Variants in COLEC10 observed in about 807,000 individuals in gnomAD.
COLEC10 encodes the protein collectin subfamily member 10.
Under a neutral mutation model 28.4 loss-of-function variants are expected in COLEC10, and 22 were observed. The ratio of observed to expected loss-of-function variants is 0.78; its 90% CI spans 0.55 to 1.11. COLEC10 has a LOEUF of 1.11. Among genes scored for constraint, COLEC10 ranks in the 50% least tolerant of loss-of-function variants. The pLI is 0.00. For synonymous variants in COLEC10, 125 were observed against 116.1 expected (o/e 1.08, Z -0.49); for missense variants, 361 against 344.1 (o/e 1.05, Z -0.39).
intron 2 of COLEC10, among the ~76,000 whole-genome samples, chr8:119,032,547 CTT>C (rs1814307862): frequency 1.3e-5 from 2 of 152,260 alleles, no homozygotes; most frequent in Admixed American, 1.3e-4. Flanking sequence ...TTGCCCATCT[CTT>C]TACAAGAGGA....
chr8:119,097,899 G>T (rs1305632622), intron 3 of COLEC10, among the ~76,000 whole-genome samples: 1 of 151,456 alleles, frequency 6.6e-6, no homozygotes, highest in African/African-American at 2.4e-5. Context: ...TTTTTTAATT[G>T]CAGTGAAACA....
chr8:118,987,791 A>G, the COLEC10 span, among the ~76,000 whole-genome samples: 2 of 152,206 alleles, frequency 1.3e-5, no homozygotes, highest in Non-Finnish European at 2.9e-5. Flanking sequence ...TATTAAAGTT[A>G]TATTTCACCA....
chr8:119,026,871 T>A (rs1814201293), intron 2 of COLEC10, among the ~76,000 whole-genome samples: 1 of 152,050 alleles, frequency 6.6e-6, no homozygotes. Flanking sequence ...ATCTATCAAT[T>A]TTTGGCTGTA....
the COLEC10 span, among the ~76,000 whole-genome samples, chr8:118,958,378 G>C: frequency 2.6e-5 from 4 of 152,182 alleles, no homozygotes; most frequent in Non-Finnish European, 5.9e-5. Context: ...TCTGCTGGGA[G>C]GAGTTCCACT....
chr8:118,984,867 C>T, the COLEC10 span, among the ~76,000 whole-genome samples: 1 of 152,096 alleles, frequency 6.6e-6, no homozygotes, highest in Non-Finnish European at 1.5e-5. Flanking sequence ...CAAGGAGGAG[C>T]AAGTCACATC....
At chr8:119,022,427 A>G (rs1484106741) in intron 2 of COLEC10, among the ~76,000 whole-genome samples, 2 of 152,178 alleles carry the variant, frequency 1.3e-5, no homozygotes, top group East Asian at 1.9e-4. Flanking sequence ...TTAACATTAC[A>G]TAAAGATGAC....
chr8:119,086,330 T>C (rs1413511704), intron 1 of COLEC10, among the ~76,000 whole-genome samples: 7 of 152,140 alleles, frequency 4.6e-5, no homozygotes. Flanking sequence ...TAGTGTAAAT[T>C]GTCCTACTCA....
intron 2 of COLEC10, among the ~76,000 whole-genome samples, chr8:119,041,015 A>T (rs1462665913): frequency 6.6e-6 from 1 of 152,254 alleles, no homozygotes; most frequent in East Asian, 1.9e-4. Context: ...ATGCAGAGTG[A>T]GTCCCAATCA....
the COLEC10 span, among the ~76,000 whole-genome samples, chr8:118,979,143 A>G: frequency 6.6e-6 from 1 of 151,908 alleles, no homozygotes; most frequent in African/African-American, 2.4e-5. Flanking sequence ...TCTTTAATCT[A>G]TTTGAAATGC....
chr8:119,089,272 A>G (rs1368490355), intron 1 of COLEC10, among the ~76,000 whole-genome samples: 1 of 151,990 alleles, frequency 6.6e-6, no homozygotes, highest in African/African-American at 2.4e-5. Context: ...CATGCCTACA[A>G]TTTTGGAGTT....
intron 2 of COLEC10, among the ~76,000 whole-genome samples, chr8:119,041,883 C>G (rs6984287): frequency 0.68 from 102,984 of 152,058 alleles, 36,829 homozygotes; most frequent in African/African-American, 0.92. Flanking sequence ...CAGAGCCATA[C>G]AGGTTTGGTT....
At position 119,103,494 on chromosome 8, in the gene COLEC10, CA is replaced by C. The variant is rs1280481295; in HGVS notation, c.347-296del. Among the ~76,000 whole-genome samples, 21 of 146,300 alleles carry C rather than the reference CA, an allele frequency of 1.4e-4. 1 individual carries two copies. Among genetic ancestry groups the C allele is most frequent in the African/African-American group, 1.5e-4 (6 of 40,002 alleles). On this transcript the variant is annotated intron_variant, in intron 4 of 5. Transcript: ENST00000332843. The stretch of plus-strand genomic sequence containing the variant: ...TTGGGCAGACACATTCTGTGTTCAA[CA>C]AAAAAAAAATGCCAAATGGTCCAAA...
At chr8:119,086,157 G>A (rs911295337) in intron 1 of COLEC10, among the ~76,000 whole-genome samples, 2 of 152,158 alleles carry the variant, frequency 1.3e-5, no homozygotes, top group African/African-American at 4.8e-5. Flanking sequence ...TCCTATCTAA[G>A]AAAATGCGGT....
intron 2 of COLEC10, among the ~76,000 whole-genome samples, chr8:119,058,321 T>G (rs1487018113): frequency 6.6e-6 from 1 of 152,066 alleles, no homozygotes; most frequent in Non-Finnish European, 1.5e-5. Flanking sequence ...AGTTGGATTT[T>G]TTAGTATGCT....
intron 2 of COLEC10, among the ~76,000 whole-genome samples, chr8:119,056,651 C>T (rs1317521260): frequency 2.0e-5 from 3 of 152,022 alleles, no homozygotes; most frequent in Admixed American, 1.3e-4. Context: ...AACAAAACAC[C>T]TCATTTCATA....
intron 1 of COLEC10, chr8:118,995,664 G>A (rs1477079295): frequency 6.6e-6 from 1 of 152,022 alleles, no homozygotes; most frequent in Non-Finnish European, 1.5e-5. Flanking sequence ...TCAGGGGTGG[G>A]ATATAGCCCA....
At chr8:118,977,495 C>T in the COLEC10 span, among the ~76,000 whole-genome samples, 904 of 144,064 alleles carry the variant, frequency 6.3e-3, 9 homozygotes, top group African/African-American at 0.022. Flanking sequence ...TAAACTATCG[C>T]AAGAACAAAA....
intron 4 of COLEC10, 64 bp from the exon 5 acceptor site, chr8:119,103,736 A>C (rs540394349): frequency 1.3e-4 from 119 of 943,442 alleles, no homozygotes; most frequent in African/African-American, 1.1e-3. Context: ...AAAGAGAGCA[A>C]ATGTTCCTTT....
At position 119,067,432 on chromosome 8, in the gene COLEC10, G is replaced by A; in HGVS notation, c.148+3G>A. 2 of 1,611,910 alleles carry A rather than the reference G, an allele frequency of 1.2e-6. No homozygotes were observed. Among genetic ancestry groups the A allele is most frequent in the East Asian group, 2.2e-5 (1 of 44,848 alleles). On this transcript the variant is annotated splice_donor_region_variant and intron_variant, in intron 1 of 5. Transcript: ENST00000332843. ...CACAATTTCACCAGGACCCAAAGGT[G>A]AGGAAAGAAAACCACAATTTTCATG... is the stretch of plus-strand genomic sequence containing the variant.
Sources: allele counts gnomAD v4.1 joint callset (sites outside exome capture counted in the v4.1 genomes callset), GRCh38; gene constraint gnomAD v4.1.1; transcripts MANE v1.5; gene names NCBI Gene and HGNC (gene_info 2026-07-23, HGNC 2026-07-21).